The following GPC6 variants were observed in gnomAD, a reference collection of about 807,000 sequenced individuals.
GPC6 encodes the protein glypican 6.
A neutral mutation model predicts 55.2 loss-of-function variants in GPC6; 14 were observed. The observed-to-expected ratio is 0.25, with a 90% CI of 0.17 to 0.40. The LOEUF (loss-of-function observed/expected upper bound fraction) is 0.40, where lower values mean the gene tolerates loss of function less well. GPC6 is among the 10% of genes least tolerant of loss of function. The pLI is 1.00. For missense variants in GPC6, 641 were observed against 708.5 expected, an observed-to-expected ratio of 0.90 and a Z score of 1.08; for synonymous variants, 278 against 259.6, an observed-to-expected ratio of 1.07 and a Z score of -0.68.
At chr13:93,839,133 A>G (rs576042756) in intron 3 of GPC6, among the ~76,000 whole-genome samples, 3 of 152,230 alleles carry the variant, frequency 2.0e-5, no homozygotes, top group Non-Finnish European at 4.4e-5. Flanking sequence ...AGACCTTAGG[A>G]TGTGGCCATT....
At chr13:93,887,934 G>A (rs1875442983) in intron 3 of GPC6, among the ~76,000 whole-genome samples, 1 of 152,092 alleles carries the variant, frequency 6.6e-6, no homozygotes, top group South Asian at 2.1e-4. Flanking sequence ...TACGGGTTGT[G>A]GCTTATGGCC....
intron 3 of GPC6, among the ~76,000 whole-genome samples, chr13:94,015,526 A>G (rs1024400134): frequency 2.0e-5 from 3 of 152,086 alleles, no homozygotes; most frequent in African/African-American, 7.2e-5. Context: ...ATTTTTATGC[A>G]TTTTTATGAA....
At chr13:93,344,475 C>G (rs527562622) in intron 1 of GPC6, among the ~76,000 whole-genome samples, 182 of 152,326 alleles carry the variant, frequency 1.2e-3, no homozygotes, top group African/African-American at 4.3e-3. Context: ...CTGACAGCCC[C>G]TATTTTCCAG....
chr13:93,820,035 A>G (rs1160313370), intron 2 of GPC6, among the ~76,000 whole-genome samples: 2 of 152,202 alleles, frequency 1.3e-5, no homozygotes, highest in East Asian at 1.9e-4. Context: ...TTGCAACTGA[A>G]TTACACACTT....
intron 3 of GPC6, among the ~76,000 whole-genome samples, chr13:93,994,543 C>T (rs1271215821): frequency 1.3e-5 from 2 of 152,070 alleles, no homozygotes; most frequent in Admixed American, 1.3e-4. Flanking sequence ...AACTTTGATT[C>T]TGTTTTCCTT....
chr13:94,184,076 G>T (rs1889089763), intron 4 of GPC6, among the ~76,000 whole-genome samples: 1 of 152,106 alleles, frequency 6.6e-6, no homozygotes. Context: ...GTTTCATTCT[G>T]CATATGGCTG....
intron 1 of GPC6, among the ~76,000 whole-genome samples, chr13:93,333,950 T>C (rs1879951850): frequency 6.6e-6 from 1 of 152,216 alleles, no homozygotes; most frequent in Non-Finnish European, 1.5e-5. Flanking sequence ...TATAAGATCA[T>C]GTTGACTGCA....
intron 1 of GPC6, among the ~76,000 whole-genome samples, chr13:93,378,367 C>T (rs1875011499): frequency 6.6e-6 from 1 of 152,160 alleles, no homozygotes. Flanking sequence ...CATGATGCCG[C>T]TGTTGTTCTT....
At chr13:94,352,184 C>T (rs1200459258) in intron 6 of GPC6, among the ~76,000 whole-genome samples, 3 of 151,944 alleles carry the variant, frequency 2.0e-5, no homozygotes, top group South Asian at 2.1e-4. Context: ...CTTAGGTCTG[C>T]GTGAGCCTGG....
intron 4 of GPC6, among the ~76,000 whole-genome samples, chr13:94,272,463 C>CTTTTTTTTTTTTT (rs555664508): frequency 1.6e-4 from 14 of 85,740 alleles, no homozygotes; most frequent in East Asian, 3.1e-4. Context: ...CTTTTCTTTT[C>CTTTTTTTTTTTTT]TTTTTTTTTT....
intron 3 of GPC6, among the ~76,000 whole-genome samples, chr13:93,904,918 C>T (rs1876556578): frequency 1.5e-5 from 2 of 135,722 alleles, no homozygotes; most frequent in African/African-American, 5.5e-5. Context: ...CAATGCTATC[C>T]CTTCCCCCTC....
chr13:93,244,055 G>A (rs1312596334), intron 1 of GPC6, among the ~76,000 whole-genome samples: 1 of 152,070 alleles, frequency 6.6e-6, no homozygotes, highest in Admixed American at 6.6e-5. Flanking sequence ...CCCGTGCTTT[G>A]GCTCCCTAGG....
At chr13:93,855,029 C>G (rs971047775) in intron 3 of GPC6, among the ~76,000 whole-genome samples, 53 of 151,564 alleles carry the variant, frequency 3.5e-4, no homozygotes, top group African/African-American at 1.3e-3. Flanking sequence ...CTCATTGACA[C>G]ATCATTATCA....
intron 1 of GPC6, among the ~76,000 whole-genome samples, chr13:93,507,491 G>GA (rs1880780809): frequency 6.6e-6 from 1 of 152,036 alleles, no homozygotes; most frequent in South Asian, 2.1e-4. Context: ...GCTATTTATA[G>GA]AAAAAGATCT....
intron 1 of GPC6, among the ~76,000 whole-genome samples, chr13:93,380,252 C>A (rs996405358): frequency 6.6e-6 from 1 of 151,894 alleles, no homozygotes; most frequent in African/African-American, 2.4e-5. Flanking sequence ...TGCAGGAGAC[C>A]AATAAAGACA....
intron 2 of GPC6, among the ~76,000 whole-genome samples, chr13:93,634,918 ACT>A (rs539437472): frequency 1.3e-4 from 20 of 152,254 alleles, no homozygotes; most frequent in Admixed American, 1.3e-3. Context: ...AGTAGGCAAA[ACT>A]CTAGAATCCA....
intron 2 of GPC6, among the ~76,000 whole-genome samples, chr13:93,621,683 T>G (rs1038485924): frequency 1.3e-5 from 2 of 152,180 alleles, no homozygotes; most frequent in African/African-American, 4.8e-5. Context: ...ATGTCCGACC[T>G]TAGGATGGGA....
intron 1 of GPC6, among the ~76,000 whole-genome samples, chr13:93,326,220 T>TG (rs995097158): frequency 1.3e-5 from 2 of 151,986 alleles, no homozygotes; most frequent in African/African-American, 4.8e-5. Flanking sequence ...GGCTGTGGGG[T>TG]TGAGAGGTAT....
chr13:93,263,506 A>C (rs540076645), intron 1 of GPC6, among the ~76,000 whole-genome samples: 1 of 152,238 alleles, frequency 6.6e-6, no homozygotes, highest in South Asian at 2.1e-4. Context: ...CTGGGATTAC[A>C]GGCGTGTGCC....
Sources: gnomAD v4.1 joint callset for allele counts (sites outside exome capture counted in the v4.1 genomes callset) on GRCh38, gnomAD v4.1.1 for gene constraint, MANE v1.5 for transcripts, NCBI Gene and HGNC (gene_info 2026-07-23, HGNC 2026-07-21) for gene names.